LHFPL3: variants seen among roughly 807,000 people sequenced by gnomAD.
LHFPL3 encodes LHFPL tetraspan subfamily member 3 protein.
In LHFPL3, 5 loss-of-function variants were observed where a neutral mutation model predicts 19.3. The ratio of observed to expected loss-of-function variants is 0.26; its 90% confidence interval spans 0.14 to 0.54. LHFPL3 has a LOEUF of 0.54. Among genes scored for constraint, LHFPL3 ranks in the 20% least tolerant of loss-of-function variants. LHFPL3 has a pLI of 0.94. For synonymous variants in LHFPL3, 133 were observed against 126.2 expected, an observed-to-expected ratio of 1.05 and a Z score of -0.36; for missense variants, 249 against 307.4, an observed-to-expected ratio of 0.81 and a Z score of 1.42.
intron 1 of LHFPL3, among the ~76,000 whole-genome samples, chr7:104,446,766 C>A (rs1326605827): frequency 6.6e-6 from 1 of 151,936 alleles, no homozygotes; most frequent in African/African-American, 2.4e-5. Flanking sequence ...TTAGTAGAGA[C>A]AGGGTTTCAC....
chr7:104,769,695 T>C (rs1313499771), intron 2 of LHFPL3, among the ~76,000 whole-genome samples: 1 of 151,626 alleles, frequency 6.6e-6, no homozygotes, highest in Non-Finnish European at 1.5e-5. Flanking sequence ...CACTTATGAG[T>C]GAGAACATGC....
intron 1 of LHFPL3, among the ~76,000 whole-genome samples, chr7:104,471,963 GC>G (rs1221635482): frequency 6.6e-6 from 1 of 151,980 alleles, no homozygotes; most frequent in Non-Finnish European, 1.5e-5. Flanking sequence ...GGATTGCTTG[GC>G]CCCAGGAGTT....
At chr7:104,356,959 G>A (rs1790289443) in intron 1 of LHFPL3, among the ~76,000 whole-genome samples, 1 of 152,202 alleles carries the variant, frequency 6.6e-6, no homozygotes, top group South Asian at 2.1e-4. Flanking sequence ...TGGCCTGAGA[G>A]AAACAGAGTG....
intron 1 of LHFPL3, among the ~76,000 whole-genome samples, chr7:104,676,520 A>T (rs1444465397): frequency 6.6e-6 from 1 of 152,194 alleles, no homozygotes; most frequent in Non-Finnish European, 1.5e-5. Flanking sequence ...TTCCCATGTG[A>T]TGTGTTTATG....
intron 1 of LHFPL3, among the ~76,000 whole-genome samples, chr7:104,538,194 C>T (rs1267015642): frequency 6.6e-6 from 1 of 152,114 alleles, no homozygotes; most frequent in African/African-American, 2.4e-5. Flanking sequence ...AAAAATAGCC[C>T]CTTCTATTCC....
chr7:104,693,915 G>A (rs1792952721), intron 1 of LHFPL3, among the ~76,000 whole-genome samples: 2 of 152,052 alleles, frequency 1.3e-5, no homozygotes, highest in African/African-American at 4.8e-5. Context: ...ACAGGCGCGA[G>A]CCACTGCACC....
chr7:104,622,490 A>G (rs12705242), intron 1 of LHFPL3, among the ~76,000 whole-genome samples: 33,637 of 152,206 alleles, frequency 0.22, 4,535 homozygotes, highest in Non-Finnish European at 0.3. Flanking sequence ...GAAGTGTACA[A>G]TTCAATGCTC....
intron 1 of LHFPL3, among the ~76,000 whole-genome samples, chr7:104,562,128 T>G (rs2115952446): frequency 6.6e-6 from 1 of 152,012 alleles, no homozygotes; most frequent in Admixed American, 6.5e-5. Flanking sequence ...TTTTCCTTCA[T>G]TTCAACTTTG....
intron 1 of LHFPL3, among the ~76,000 whole-genome samples, chr7:104,684,455 A>G (rs1477863439): frequency 1.3e-5 from 2 of 152,270 alleles, no homozygotes; most frequent in Non-Finnish European, 2.9e-5. Flanking sequence ...TGCATACACA[A>G]AAAATGAGCC....
At chr7:104,486,637 G>C (rs1026620079) in intron 1 of LHFPL3, among the ~76,000 whole-genome samples, 1 of 152,212 alleles carries the variant, frequency 6.6e-6, no homozygotes, top group Non-Finnish European at 1.5e-5. Flanking sequence ...ATGTGGAGAA[G>C]GGGTGCAGAT....
chr7:104,380,801 T>G (rs1790812536), intron 1 of LHFPL3, among the ~76,000 whole-genome samples: 1 of 152,112 alleles, frequency 6.6e-6, no homozygotes, highest in African/African-American at 2.4e-5. Context: ...TATACAATAC[T>G]GAAAATTTAC....
At chr7:104,809,400 G>A (rs1790424566) in intron 2 of LHFPL3, among the ~76,000 whole-genome samples, 1 of 152,144 alleles carries the variant, frequency 6.6e-6, no homozygotes, top group African/African-American at 2.4e-5. Flanking sequence ...TTCTACTTAG[G>A]AGAGCAGATA....
At chr7:104,404,894 G>T (rs1791386362) in intron 1 of LHFPL3, among the ~76,000 whole-genome samples, 1 of 152,110 alleles carries the variant, frequency 6.6e-6, no homozygotes, top group Non-Finnish European at 1.5e-5. Context: ...AATTATCCAT[G>T]TAAACTTTAT....
chr7:104,387,273 C>T (rs1236488662), intron 1 of LHFPL3, among the ~76,000 whole-genome samples: 1 of 152,052 alleles, frequency 6.6e-6, no homozygotes, highest in African/African-American at 2.4e-5. Flanking sequence ...GAGGCTAAGG[C>T]AGGAGAATTG....
At chr7:104,903,901 A>G (rs1367556101) in intron 2 of LHFPL3, among the ~76,000 whole-genome samples, 1 of 152,238 alleles carries the variant, frequency 6.6e-6, no homozygotes, top group Non-Finnish European at 1.5e-5. Context: ...ATATGAGTGC[A>G]TGTGTCTTTT....
At chr7:104,497,952 G>A (rs190160563) in intron 1 of LHFPL3, among the ~76,000 whole-genome samples, 167 of 152,264 alleles carry the variant, frequency 1.1e-3, no homozygotes, top group African/African-American at 3.9e-3. Flanking sequence ...GGGTTTTAGG[G>A]AGGGGAACCC....
At position 104,399,198 on chromosome 7, in the gene LHFPL3, C is replaced by T. The variant is rs1333290064; in HGVS notation, c.445+69974C>T. 6.6e-6 allele frequency among the ~76,000 whole-genome samples: 1 copy of T among 152,110 alleles called. No individual in the cohort carries two copies. The highest frequency in any genetic ancestry group is 2.4e-5 in the African/African-American group (1 of 41,422). ...CAGGAGCTGCCACCCCTGATGTCCTCTTACTTCCCTTGATATCGTAGGTTT... is the reference window on the plus strand; with the variant it reads ...CAGGAGCTGCCACCCCTGATGTCCTTTTACTTCCCTTGATATCGTAGGTTT... On this transcript the variant is annotated intron_variant, in intron 1 of 2. Transcript: ENST00000424859. The surrounding 1 kb of genome is among the most constrained non-coding windows in gnomAD (Gnocchi z 4.4).
rs184058118 is a variant in LHFPL3, at chr7:104,593,045, C to T, written c.446-143630C>T. 2.0e-5 allele frequency among the ~76,000 whole-genome samples: 3 copies of T among 152,268 alleles called. No homozygotes were observed. In the East Asian group the frequency reaches 5.8e-4, roughly 29 times the overall value. On this transcript the variant is annotated intron_variant, in intron 1 of 2. Transcript: ENST00000424859. ...TTTTGTGTCTCTATTTCCTTCAGTT[C>T]TGCTCTGATCTTAGTTATTTCTTAT...
At chr7:104,880,097 C>G (rs1178637634) in intron 2 of LHFPL3, among the ~76,000 whole-genome samples, 1 of 151,648 alleles carries the variant, frequency 6.6e-6, no homozygotes, top group Non-Finnish European at 1.5e-5. Flanking sequence ...GGATATCTGT[C>G]CCCTCTAAAT....
Sources: gnomAD v4.1 joint callset for allele counts (sites outside exome capture counted in the v4.1 genomes callset) on GRCh38, gnomAD v4.1.1 for gene constraint, Gnocchi (gnomAD v3.1) non-coding constraint, MANE v1.5 for transcripts, NCBI Gene and HGNC (gene_info 2026-07-23, HGNC 2026-07-21) for gene names.